The following ZNF267 variants were observed in gnomAD, a reference collection of about 807,000 sequenced individuals.
ZNF267 encodes the protein zinc finger (C2H2).
ZNF267 carries 61 observed loss-of-function variants against 71.6 expected under a neutral mutation model. The ratio of observed to expected loss-of-function variants is 0.85; its 90% CI spans 0.69 to 1.05. The LOEUF (loss-of-function observed/expected upper bound fraction) is 1.05. ZNF267 is among the 50% of genes least tolerant of loss of function. ZNF267 has a pLI of 0.00. For synonymous variants in ZNF267, 288 were observed against 293.2 expected (o/e 0.98, Z 0.18); for missense variants, 852 against 870.0 (o/e 0.98, Z 0.26).
intron 1 of ZNF267, among the ~76,000 whole-genome samples, chr16:31,881,865 A>G (rs1047575876): frequency 5.3e-5 from 8 of 152,014 alleles, no homozygotes; most frequent in Admixed American, 3.3e-4. Flanking sequence ...GGGTTTCACA[A>G]TGTTGACCAG....
chr16:31,882,494 T>G (rs2083897448), intron 1 of ZNF267, among the ~76,000 whole-genome samples: 1 of 152,194 alleles, frequency 6.6e-6, no homozygotes, highest in South Asian at 2.1e-4. Flanking sequence ...AGAAGCCAGT[T>G]CATGGAAACT....
chr16:31,897,497 G>C (rs1418726869), intron 3 of ZNF267, among the ~76,000 whole-genome samples: 1 of 151,998 alleles, frequency 6.6e-6, no homozygotes, highest in Non-Finnish European at 1.5e-5. Context: ...ACACTGTTTT[G>C]ATTACTATAG....
rs1596632835 is a variant in ZNF267, at chr16:31,915,125, A to G, written c.876A>G (p.Glu292=). 6.2e-7 allele frequency: 1 copy of G among 1,613,362 alleles called. No homozygotes were observed. ...AACATCAGACCATCCATATCAGAGAAAACTCATATAGCTATAACAAATATG... is the reference window on the plus strand; with the variant it reads ...AACATCAGACCATCCATATCAGAGAGAACTCATATAGCTATAACAAATATG... ...HIQHQTIHIR[E]NSYSYNKYDK... The change falls in exon 4 of 4, where the codon GAA becomes GAG. Residue 292 remains glutamate, a synonymous_variant. Coordinates refer to ENST00000300870, the MANE Select transcript of ZNF267 (RefSeq NM_003414.6).
At position 31,873,807 on chromosome 16, in the gene ZNF267, A is replaced by T; in HGVS notation, c.-160A>T. On this transcript the variant is annotated 5_prime_UTR_variant, in exon 1 of 4. Coordinates refer to ENST00000300870, the MANE Select transcript of ZNF267 (RefSeq NM_003414.6). ...TTTGGCGGGGGCCTTCGTCGGCTCC[A>T]GTTAGAGCTCGGGTCTCCTCGCCAC... 1 of 963,608 alleles carries T rather than the reference A, an allele frequency of 1.0e-6. No individual in the cohort carries two copies. Among genetic ancestry groups the T allele is most frequent in the Non-Finnish European group, 1.6e-6 (1 of 614,048 alleles). The allele number at this position is 963,608 out of a possible 1,614,324, so 59.7% of individuals were successfully genotyped here. A position where few individuals can be genotyped will look rare whatever the true frequency, so the allele number is the denominator to read the frequency against.
chr16:31,877,330 A>AT (rs1207244005), intron 1 of ZNF267, among the ~76,000 whole-genome samples: 2 of 152,214 alleles, frequency 1.3e-5, no homozygotes, highest in Non-Finnish European at 2.9e-5. Context: ...CTAAAGGAGT[A>AT]TTGCAATAGG....
intron 3 of ZNF267, among the ~76,000 whole-genome samples, chr16:31,905,041 A>G (rs1378113108): frequency 5.9e-5 from 9 of 152,144 alleles, no homozygotes; most frequent in East Asian, 1.9e-4. Context: ...TCCTTCACTT[A>G]TGAAGCTTAG....
intron 1 of ZNF267, among the ~76,000 whole-genome samples, chr16:31,880,745 A>G (rs909393117): frequency 3.9e-5 from 6 of 152,210 alleles, no homozygotes; most frequent in African/African-American, 1.4e-4. Context: ...CTTATTTGGT[A>G]TCCAAGTGGG....
intron 3 of ZNF267, among the ~76,000 whole-genome samples, chr16:31,890,048 A>G (rs1275586038): frequency 6.6e-6 from 1 of 152,224 alleles, no homozygotes; most frequent in African/African-American, 2.4e-5. Context: ...GGTTTAACAT[A>G]TGATCTATCC....
intron 3 of ZNF267, among the ~76,000 whole-genome samples, chr16:31,903,807 G>T (rs781090195): frequency 6.6e-6 from 1 of 152,058 alleles, no homozygotes; most frequent in Non-Finnish European, 1.5e-5. Context: ...TCTGATCTTA[G>T]TTATTTCTTG....
At chr16:31,893,252 C>T (rs747168782) in intron 3 of ZNF267, among the ~76,000 whole-genome samples, 46 of 152,334 alleles carry the variant, frequency 3.0e-4, no homozygotes, top group East Asian at 2.7e-3. Context: ...CTGCTGGAGC[C>T]GCTGGGATGC....
At chr16:31,882,009 C>T (rs959083191) in intron 1 of ZNF267, among the ~76,000 whole-genome samples, 3 of 152,122 alleles carry the variant, frequency 2.0e-5, no homozygotes, top group Non-Finnish European at 4.4e-5. Flanking sequence ...CTTTCTGTAT[C>T]CCTCCCATCT....
chr16:31,890,638 C>T (rs1025031319), intron 3 of ZNF267, among the ~76,000 whole-genome samples: 63 of 152,212 alleles, frequency 4.1e-4, no homozygotes, highest in Non-Finnish European at 8.4e-4. Flanking sequence ...TTATTTGGCT[C>T]ATGATTCCAG....
At chr16:31,905,406 G>A (rs1158795790) in intron 3 of ZNF267, among the ~76,000 whole-genome samples, 5 of 152,082 alleles carry the variant, frequency 3.3e-5, no homozygotes, top group African/African-American at 1.2e-4. Context: ...CATTCTCCTC[G>A]TCACTTTCAG....
At position 31,875,078 on chromosome 16, in the gene ZNF267, A is replaced by T. The variant is rs1013232868; in HGVS notation, c.3+1109A>T. ...AAAAAACTGTGCCTCTTTTTCATTC[A>T]TCTTCCCCAGGCACAGACACGTTAT... On this transcript the variant is annotated intron_variant, in intron 1 of 3. Transcript: ENST00000300870. 4.7e-6 allele frequency: 6 copies of T among 1,271,620 alleles called. 1 individual carries two copies. The East Asian group carries it at 3.3e-4, about 71-fold the overall frequency. The allele number at this position is 1,271,620 out of a possible 1,614,324, so 78.8% of individuals were successfully genotyped here.
intron 3 of ZNF267, among the ~76,000 whole-genome samples, chr16:31,899,578 C>G (rs891741011): frequency 6.6e-6 from 1 of 152,046 alleles, no homozygotes; most frequent in Admixed American, 6.5e-5. Flanking sequence ...CAAGAGAAAG[C>G]AGGAGAGATC....
Position 31,916,044 on chromosome 16 carries a change from A to G in ZNF267, c.1795A>G (p.Thr599Ala), listed in dbSNP as rs1387795737. The change falls in exon 4 of 4, where the codon ACT becomes GCT. Residue 599 changes from threonine to alanine, a missense_variant. Transcript: ENST00000300870. ...TCTTACTGTGCATCGGCGAACTCAT[A>G]CTGGAGAGAAACCCTATACATGTAA... ...SGLTVHRRTH[T>A]GEKPYTCKEC... The G allele has an allele frequency of 1.9e-6, 3 of 1,614,048 alleles. No individual in the cohort carries two copies. The highest frequency in any genetic ancestry group is 4.5e-5 in the East Asian group (2 of 44,880).
At chr16:31,883,098 A>G (rs1449900232) in intron 1 of ZNF267, among the ~76,000 whole-genome samples, 2 of 152,242 alleles carry the variant, frequency 1.3e-5, no homozygotes, top group South Asian at 2.1e-4. Context: ...TCACAAGCAT[A>G]TGCTTATTTA....
intron 1 of ZNF267, among the ~76,000 whole-genome samples, chr16:31,878,672 A>ACAAAC (rs2083869109): frequency 6.6e-6 from 1 of 152,170 alleles, no homozygotes; most frequent in South Asian, 2.1e-4. Flanking sequence ...TATCTGTAGC[A>ACAAAC]CAAACCAGTC....
At chr16:31,904,684 C>A (rs371161399) in intron 3 of ZNF267, among the ~76,000 whole-genome samples, 1 of 152,072 alleles carries the variant, frequency 6.6e-6, no homozygotes, top group South Asian at 2.1e-4. Context: ...TGTGTCTCTG[C>A]ACATGAGATG....
Sources: allele counts gnomAD v4.1 joint callset (sites outside exome capture counted in the v4.1 genomes callset), GRCh38; gene constraint gnomAD v4.1.1; transcripts MANE v1.5; gene names NCBI Gene and HGNC (gene_info 2026-07-23, HGNC 2026-07-21).